NFASC: variants seen among roughly 807,000 people sequenced by gnomAD.
The protein encoded by NFASC is neurofascin.
Under a neutral mutation model 147.5 loss-of-function variants are expected in NFASC, and 43 were observed. The observed-to-expected ratio is 0.29, with a 90% CI of 0.23 to 0.38. The LOEUF (loss-of-function observed/expected upper bound fraction) is 0.38. Among genes scored for constraint, NFASC ranks in the 10% least tolerant of loss-of-function variants. The pLI, the probability that NFASC is intolerant of heterozygous loss-of-function variation, is 1.00. For synonymous variants in NFASC, 622 were observed against 665.5 expected (o/e 0.93, Z 1.01); for missense variants, 1,320 against 1,689.0 (o/e 0.78, Z 3.83).
At chr1:204,949,007 G>A (rs1204418115) in intron 3 of NFASC, among the ~76,000 whole-genome samples, 2 of 152,218 alleles carry the variant, frequency 1.3e-5, no homozygotes, top group South Asian at 2.1e-4. Context: ...GTGGAGACGA[G>A]CTCCGGGGAG....
At chr1:204,972,334 T>C (rs1010802558) in intron 11 of NFASC, among the ~76,000 whole-genome samples, 11 of 152,252 alleles carry the variant, frequency 7.2e-5, no homozygotes, top group African/African-American at 2.4e-4. Context: ...ATGAGAAAAG[T>C]GGCAATTCTT....
chr1:204,974,365 T>C, intron 13 of NFASC, 75 bp downstream of exon 13: 2 of 1,184,722 alleles, frequency 1.7e-6, no homozygotes, highest in Non-Finnish European at 2.5e-6. Context: ...TGGCCCATAG[T>C]AGGTGTTCAG....
At chr1:204,929,110 C>T (rs1191867390) in intron 2 of NFASC, among the ~76,000 whole-genome samples, 1 of 151,806 alleles carries the variant, frequency 6.6e-6, no homozygotes, top group Non-Finnish European at 1.5e-5. Flanking sequence ...GTGTCCCCCT[C>T]CACCCCATCC....
At position 204,828,672 on chromosome 1, in the gene NFASC, C is replaced by G. The variant is rs1414550695; in HGVS notation, c.-310C>G. On this transcript the variant is annotated 5_prime_UTR_variant, in exon 1 of 30. Coordinates refer to ENST00000339876, the MANE Select transcript of NFASC (RefSeq NM_001005388.3). Reference sequence around the variant, plus strand: ...GGGACGCGCACGGGCTGGTCTCTGCCCTAATGCGGCGGCTGGCGGCGAGAG... The same window carrying G: ...GGGACGCGCACGGGCTGGTCTCTGCGCTAATGCGGCGGCTGGCGGCGAGAG... 68 of 985,182 alleles carry G rather than the reference C, an allele frequency of 6.9e-5. No homozygotes were observed. The highest frequency in any genetic ancestry group is 5.2e-4 in the Middle Eastern group (1 of 1,932). 61.0% of individuals were successfully genotyped at this position (985,182 alleles called of 1,614,324 possible).
At chr1:205,013,605 T>C (rs184643792) in intron 29 of NFASC, among the ~76,000 whole-genome samples, 1 of 152,354 alleles carries the variant, frequency 6.6e-6, no homozygotes, top group Admixed American at 6.5e-5. Flanking sequence ...CCTACCTGGA[T>C]GCATCTTTGT....
chr1:205,011,277 C>T (rs2096250051), intron 28 of NFASC, among the ~76,000 whole-genome samples: 1 of 151,134 alleles, frequency 6.6e-6, no homozygotes, highest in Non-Finnish European at 1.5e-5. Context: ...TTCCCCATGC[C>T]CAAGTACCCA....
At chr1:204,844,980 G>T (rs752795720) in intron 1 of NFASC, among the ~76,000 whole-genome samples, 9 of 152,130 alleles carry the variant, frequency 5.9e-5, no homozygotes, top group Non-Finnish European at 1.2e-4. Context: ...TGCACCTGAA[G>T]AGAAAGGAAT....
chr1:204,982,073 C>T (rs1414383080), intron 21 of NFASC, 53 bp downstream of exon 21: 10 of 1,248,444 alleles, frequency 8.0e-6, no homozygotes, highest in African/African-American at 4.7e-5. Context: ...CTAGGTCGCA[C>T]GAGGCCACGC....
chr1:204,891,840 G>A (rs10900429), intron 1 of NFASC, among the ~76,000 whole-genome samples: 39,222 of 152,054 alleles, frequency 0.26, 8,655 homozygotes, highest in East Asian at 0.71. Flanking sequence ...GAAGAGGCAC[G>A]TTGCCCAGGC....
At chr1:204,942,536 A>C (rs1558182896) in intron 2 of NFASC, among the ~76,000 whole-genome samples, 1 of 152,246 alleles carries the variant, frequency 6.6e-6, no homozygotes, top group Non-Finnish European at 1.5e-5. Flanking sequence ...TTGCCTTTAG[A>C]AATAACAGCT....
chr1:204,990,714 G>A (rs972585606), intron 23 of NFASC, among the ~76,000 whole-genome samples: 3 of 152,160 alleles, frequency 2.0e-5, no homozygotes, highest in African/African-American at 4.8e-5. Context: ...CAAAGTTCCC[G>A]CCTTCCAAGG....
chr1:204,950,300 G>T (rs1380708300), intron 3 of NFASC, among the ~76,000 whole-genome samples: 1 of 152,198 alleles, frequency 6.6e-6, no homozygotes, highest in Non-Finnish European at 1.5e-5. Context: ...CAGTCTTTCT[G>T]CCCAACTCTG....
intron 28 of NFASC, among the ~76,000 whole-genome samples, chr1:205,011,866 G>A (rs1262615310): frequency 2.0e-5 from 3 of 151,908 alleles, no homozygotes; most frequent in African/African-American, 4.8e-5. Context: ...ATCACCTGAG[G>A]TCGGGAGTTC....
chr1:204,922,522 G>C (rs148696186), intron 2 of NFASC, among the ~76,000 whole-genome samples: 1 of 152,294 alleles, frequency 6.6e-6, no homozygotes, highest in East Asian at 1.9e-4. Context: ...ACAATTCAGT[G>C]ATATGAGCAA....
intron 1 of NFASC, among the ~76,000 whole-genome samples, chr1:204,834,887 T>C (rs900182127): frequency 1.3e-5 from 2 of 152,156 alleles, no homozygotes; most frequent in Non-Finnish European, 2.9e-5. Flanking sequence ...GGCCTGTTTC[T>C]GCCTGCCCCA....
At chr1:204,945,059 G>A (rs1419518256) in intron 3 of NFASC, 2 of 152,142 alleles carry the variant, frequency 1.3e-5, no homozygotes, top group East Asian at 3.9e-4. Flanking sequence ...TCTCATAGAG[G>A]GGGCATTATT....
chr1:204,905,951 T>G (rs1425196236), intron 1 of NFASC, among the ~76,000 whole-genome samples: 1 of 152,226 alleles, frequency 6.6e-6, no homozygotes, highest in Non-Finnish European at 1.5e-5. Context: ...TCCAATTGAA[T>G]GAGTGTAAAT....
intron 7 of NFASC, among the ~76,000 whole-genome samples, chr1:204,955,317 A>G (rs904015282): frequency 6.6e-6 from 1 of 152,248 alleles, no homozygotes; most frequent in Non-Finnish European, 1.5e-5. Context: ...CACAGTAAGC[A>G]CTTGGAAACA....
rs1045359008 is a variant in NFASC, at chr1:204,975,797, T to C, written c.1706+379T>C. On this transcript the variant is annotated intron_variant, in intron 15 of 29. Coordinates refer to ENST00000339876, the MANE Select transcript of NFASC (RefSeq NM_001005388.3). This position sits in a 1 kb window ranked among gnomAD's most constrained non-coding sequence, Gnocchi z 4.0. ...CCAGGCTCCAGCCTTTCAGCCCTAT[T>C]TGCAGTACCCCTAATCTTCAGCAGA... Among the ~76,000 whole-genome samples, 1 of 152,146 alleles carries C rather than the reference T, an allele frequency of 6.6e-6. No individual in the cohort carries two copies. The highest frequency in any genetic ancestry group is 2.4e-5 in the African/African-American group (1 of 41,418).
Sources: gnomAD v4.1 joint callset for allele counts (sites outside exome capture counted in the v4.1 genomes callset) on GRCh38, gnomAD v4.1.1 for gene constraint, Gnocchi (gnomAD v3.1) non-coding constraint, MANE v1.5 for transcripts, NCBI Gene and HGNC (gene_info 2026-07-23, HGNC 2026-07-21) for gene names.